The following CDK5RAP2 variants were observed in gnomAD, a reference collection of about 807,000 sequenced individuals.
CDK5RAP2 encodes CDK5 regulatory subunit associated protein 2.
A neutral mutation model predicts 232.9 loss-of-function variants in CDK5RAP2; 147 were observed. That is an observed-to-expected ratio of 0.63 (90% CI 0.55 to 0.72). The LOEUF (loss-of-function observed/expected upper bound fraction) is 0.72. Among genes scored for constraint, CDK5RAP2 ranks in the 30% least tolerant of loss-of-function variants. The pLI is 0.00. For missense variants in CDK5RAP2, 2,195 were observed against 2,231.5 expected (o/e 0.98, Z 0.33); for synonymous variants, 833 against 833.7 (o/e 1.00, Z 0.01).
intron 12 of CDK5RAP2, among the ~76,000 whole-genome samples, chr9:120,514,248 T>TA (rs909030984): frequency 3.9e-5 from 6 of 152,154 alleles, no homozygotes; most frequent in South Asian, 2.1e-4. Flanking sequence ...GGACAGCACT[T>TA]AGAGTATACA....
At chr9:120,551,741 T>C (rs2042048770) in intron 3 of CDK5RAP2, among the ~76,000 whole-genome samples, 4 of 152,176 alleles carry the variant, frequency 2.6e-5, no homozygotes, top group Admixed American at 2.6e-4. Flanking sequence ...GAATCTTGAA[T>C]TTTTTACAGA....
chr9:120,544,859 A>C (rs901257880), intron 5 of CDK5RAP2, among the ~76,000 whole-genome samples: 1 of 151,998 alleles, frequency 6.6e-6, no homozygotes, highest in African/African-American at 2.4e-5. Context: ...GTCTCTGATG[A>C]GCTCTTGGAG....
chr9:120,493,223 T>G (rs2038992359), intron 12 of CDK5RAP2, among the ~76,000 whole-genome samples: 1 of 152,248 alleles, frequency 6.6e-6, no homozygotes, highest in African/African-American at 2.4e-5. Context: ...CACCTTGATT[T>G]TAGTCCAGTG....
intron 14 of CDK5RAP2, among the ~76,000 whole-genome samples, chr9:120,478,486 C>T (rs1269916816): frequency 2.0e-5 from 3 of 152,086 alleles, no homozygotes; most frequent in Admixed American, 1.3e-4. Flanking sequence ...TGTAACAATA[C>T]CCTGGCCAGG....
intron 23 of CDK5RAP2, among the ~76,000 whole-genome samples, chr9:120,442,844 TCA>T (rs748919729): frequency 6.6e-5 from 10 of 152,126 alleles, no homozygotes; most frequent in Non-Finnish European, 1.0e-4. Flanking sequence ...ATACCACAAC[TCA>T]GTATTTTTCC....
At chr9:120,575,045 C>T (rs952009358) in intron 1 of CDK5RAP2, among the ~76,000 whole-genome samples, 1 of 151,784 alleles carries the variant, frequency 6.6e-6, no homozygotes, top group African/African-American at 2.4e-5. Flanking sequence ...GCCATCATAA[C>T]GACTGTTTTG....
chr9:120,413,710 C>A (rs771515916), intron 28 of CDK5RAP2, among the ~76,000 whole-genome samples: 1 of 151,966 alleles, frequency 6.6e-6, no homozygotes, highest in Non-Finnish European at 1.5e-5. Context: ...AGGGCCCAGG[C>A]GTGTATTTCT....
intron 26 of CDK5RAP2, among the ~76,000 whole-genome samples, chr9:120,422,476 C>A (rs2034624232): frequency 6.6e-6 from 1 of 152,132 alleles, no homozygotes; most frequent in Admixed American, 6.5e-5. Flanking sequence ...ATAGAGATGA[C>A]ACAAGTAACC....
In CDK5RAP2 at chr9:120,579,937, C is replaced by A; in HGVS notation, c.42G>T (p.Gly14=). 6.2e-7 allele frequency: 1 copy of A among 1,613,518 alleles called. No individual in the cohort carries two copies. Among genetic ancestry groups the A allele is most frequent in the South Asian group, 1.1e-5 (1 of 91,064 alleles). The change falls in exon 1 of 38, where the codon GGG becomes GGT. Residue 14 remains glycine, a synonymous_variant. Coordinates refer to ENST00000349780, the MANE Select transcript of CDK5RAP2 (RefSeq NM_018249.6). ...LVLEEDVTVP[G]TLSGCSGLVP... ...GGCCGCACCTGCAGCCGCTGAGCGT[C>A]CCAGGGACGGTGACGTCCTCTTCCA...
At chr9:120,524,372 G>T (rs143845922) in intron 11 of CDK5RAP2, among the ~76,000 whole-genome samples, 78 of 152,316 alleles carry the variant, frequency 5.1e-4, no homozygotes, top group African/African-American at 1.8e-3. Context: ...CGGGCGCAGT[G>T]GTTAACTCCT....
chr9:120,438,638 TC>T (rs1336529950), intron 24 of CDK5RAP2, among the ~76,000 whole-genome samples: 3 of 152,138 alleles, frequency 2.0e-5, no homozygotes, highest in African/African-American at 7.2e-5. Flanking sequence ...TAAGAATACC[TC>T]CTTCTCAGGT....
chr9:120,433,679 G>C (rs546971362), intron 25 of CDK5RAP2, among the ~76,000 whole-genome samples: 13 of 152,132 alleles, frequency 8.5e-5, no homozygotes, highest in Non-Finnish European at 1.9e-4. Flanking sequence ...GTGCTTCCAA[G>C]GTCATTGTGA....
chr9:120,507,527 T>A (rs925553650), intron 12 of CDK5RAP2, among the ~76,000 whole-genome samples: 3 of 152,132 alleles, frequency 2.0e-5, no homozygotes, highest in Admixed American at 6.5e-5. Flanking sequence ...TGGATATCAG[T>A]ACCCTCTAAC....
At chr9:120,428,654 T>G (rs937386268) in intron 25 of CDK5RAP2, among the ~76,000 whole-genome samples, 18 of 152,302 alleles carry the variant, frequency 1.2e-4, no homozygotes, top group African/African-American at 3.9e-4. Flanking sequence ...CCAGACGGAT[T>G]CACAGCCAAA....
chr9:120,474,164 T>A (rs2037877820), intron 15 of CDK5RAP2, among the ~76,000 whole-genome samples: 1 of 152,182 alleles, frequency 6.6e-6, no homozygotes, highest in Admixed American at 6.5e-5. Flanking sequence ...ATAAATGAGA[T>A]ATTACATGGG....
intron 20 of CDK5RAP2, 75 bp downstream of exon 20, chr9:120,458,375 A>C: frequency 7.0e-7 from 1 of 1,422,222 alleles, no homozygotes; most frequent in Non-Finnish European, 9.9e-7. Flanking sequence ...ACGATCATCT[A>C]AACCCATTTA....
intron 11 of CDK5RAP2, among the ~76,000 whole-genome samples, chr9:120,522,654 A>T (rs1210255044): frequency 6.6e-6 from 1 of 152,188 alleles, no homozygotes; most frequent in Non-Finnish European, 1.5e-5. Context: ...ATGAGTATGG[A>T]GGTAGCAGCA....
chr9:120,425,857 C>G (rs938816731), intron 25 of CDK5RAP2, among the ~76,000 whole-genome samples: 1 of 152,204 alleles, frequency 6.6e-6, no homozygotes. Context: ...GAGGAGCCAC[C>G]CTATCCTCAG....
intron 19 of CDK5RAP2, 69 bp downstream of exon 19, chr9:120,460,503 C>A: frequency 6.9e-7 from 1 of 1,453,360 alleles, no homozygotes; most frequent in South Asian, 1.2e-5. Context: ...GGACTCATTC[C>A]AGACTCGAAG....
Sources: allele counts gnomAD v4.1 joint callset (sites outside exome capture counted in the v4.1 genomes callset), GRCh38; gene constraint gnomAD v4.1.1; transcripts MANE v1.5; gene names NCBI Gene and HGNC (gene_info 2026-07-23, HGNC 2026-07-21).